NAALADL2: variants seen among roughly 807,000 people sequenced by gnomAD.
NAALADL2 encodes the protein inactive N-acetylated-alpha-linked acidic dipeptidase-like protein 2.
Under a neutral mutation model 87.2 loss-of-function variants are expected in NAALADL2, and 76 were observed. The observed-to-expected ratio is 0.87, with a 90% CI of 0.72 to 1.05. The LOEUF (loss-of-function observed/expected upper bound fraction) is 1.05, where lower values mean the gene tolerates loss of function less well. Among genes scored for constraint, NAALADL2 ranks in the 50% least tolerant of loss-of-function variants. The pLI is 0.00. For synonymous variants in NAALADL2, 354 were observed against 331.0 expected (o/e 1.07, Z -0.75); for missense variants, 1,089 against 945.8 (o/e 1.15, Z -1.99).
chr3:175,489,670 T>A (rs1727775298), intron 9 of NAALADL2, among the ~76,000 whole-genome samples: 1 of 152,200 alleles, frequency 6.6e-6, no homozygotes, highest in Non-Finnish European at 1.5e-5. Context: ...AGAGTAGAAA[T>A]GACCATGCAT....
intron 3 of NAALADL2, among the ~76,000 whole-genome samples, chr3:175,240,809 C>T (rs922104702): frequency 6.6e-6 from 1 of 152,132 alleles, no homozygotes; most frequent in Non-Finnish European, 1.5e-5. Flanking sequence ...GCATGTGCCA[C>T]CACACCCGGC....
chr3:175,559,671 C>T (rs1288955616), intron 9 of NAALADL2, among the ~76,000 whole-genome samples: 1 of 152,082 alleles, frequency 6.6e-6, no homozygotes, highest in Non-Finnish European at 1.5e-5. Context: ...TTATTAAATG[C>T]TTTTTCAGCA....
chr3:175,203,517 C>T (rs1033691088), intron 2 of NAALADL2, among the ~76,000 whole-genome samples: 2 of 152,130 alleles, frequency 1.3e-5, no homozygotes, highest in African/African-American at 4.8e-5. Context: ...CTGCAGGAGC[C>T]GTCTGCTTCC....
At chr3:174,816,205 C>T (rs142513700) in intron 3 of NAALADL2, among the ~76,000 whole-genome samples, 25 of 151,898 alleles carry the variant, frequency 1.6e-4, no homozygotes, top group African/African-American at 3.9e-4. Flanking sequence ...TCTTCTTCAT[C>T]GTATCCTTTT....
intron 5 of NAALADL2, among the ~76,000 whole-genome samples, chr3:175,345,642 A>G (rs967053319): frequency 1.3e-5 from 2 of 152,122 alleles, no homozygotes; most frequent in Admixed American, 1.3e-4. Context: ...TTGATCCCAC[A>G]CAGTGATCAC....
chr3:174,587,233 T>C (rs545672540), intron 2 of NAALADL2, among the ~76,000 whole-genome samples: 55 of 152,128 alleles, frequency 3.6e-4, no homozygotes, highest in Non-Finnish European at 4.1e-4. Context: ...CAGTCTATCA[T>C]TGATGGACAT....
At chr3:175,221,692 G>A (rs1020014876) in intron 2 of NAALADL2, among the ~76,000 whole-genome samples, 1 of 151,874 alleles carries the variant, frequency 6.6e-6, no homozygotes, top group Non-Finnish European at 1.5e-5. Flanking sequence ...CTACACAATG[G>A]CTTCCAGTAG....
intron 9 of NAALADL2, among the ~76,000 whole-genome samples, chr3:175,521,292 G>T (rs1182117815): frequency 6.6e-6 from 1 of 151,842 alleles, no homozygotes; most frequent in Non-Finnish European, 1.5e-5. Flanking sequence ...CAAAAGAAAT[G>T]ATATTCTATC....
chr3:175,709,849 A>G (rs551869637), intron 11 of NAALADL2, among the ~76,000 whole-genome samples: 1 of 152,230 alleles, frequency 6.6e-6, no homozygotes, highest in East Asian at 1.9e-4. Context: ...CACTGGGTTC[A>G]GGAAAGCAGT....
At chr3:175,268,639 C>T (rs1350294340) in intron 4 of NAALADL2, among the ~76,000 whole-genome samples, 8 of 152,000 alleles carry the variant, frequency 5.3e-5, no homozygotes, top group Non-Finnish European at 1.2e-4. Flanking sequence ...CATTGCACAC[C>T]TGACAAAAAT....
At chr3:175,801,770 G>A (rs540258771) in intron 13 of NAALADL2, among the ~76,000 whole-genome samples, 18 of 152,100 alleles carry the variant, frequency 1.2e-4, no homozygotes, top group South Asian at 8.3e-4. Context: ...GTTTGGGTTC[G>A]AAATAAGACA....
At chr3:175,442,392 G>C (rs546538722) in intron 5 of NAALADL2, among the ~76,000 whole-genome samples, 2 of 152,202 alleles carry the variant, frequency 1.3e-5, no homozygotes, top group South Asian at 4.1e-4. Flanking sequence ...TTGAAAAAGC[G>C]TGAAATAGAA....
chr3:175,434,395 A>G (rs78837477), intron 5 of NAALADL2, among the ~76,000 whole-genome samples: 5,956 of 152,044 alleles, frequency 0.039, 288 homozygotes, highest in East Asian at 0.14. Context: ...TTGTGTCAAT[A>G]TTTCCACGTC....
chr3:174,653,040 TAAA>T lies in NAALADL2; in HGVS notation c.-114-84597_-114-84595del, dbSNP rs961711588. ...CTACACACTAACTGTAATGATTACA[TAAA>T]AAAGACTGACATGTCAGCATTCATG... On this transcript the variant is annotated intron_variant, in intron 2 of 3. Transcript: ENST00000434257. Among the ~76,000 whole-genome samples, 7 of 152,250 alleles carry T rather than the reference TAAA, an allele frequency of 4.6e-5. No homozygotes were observed. The East Asian group carries it at 1.4e-3, about 29-fold the overall frequency.
At chr3:175,041,376 A>C (rs2108969774) in intron 1 of NAALADL2, among the ~76,000 whole-genome samples, 1 of 152,268 alleles carries the variant, frequency 6.6e-6, no homozygotes, top group South Asian at 2.1e-4. Flanking sequence ...AATGACTTGA[A>C]GTTTTGCTCA....
In NAALADL2 at chr3:174,610,023, A is replaced by G. The variant is rs559188348; in HGVS notation, c.-115+59386A>G. 8.5e-3 allele frequency among the ~76,000 whole-genome samples: 1,287 copies of G among 152,174 alleles called. 13 individuals carry two copies. Among genetic ancestry groups the G allele is most frequent in the African/African-American group, 0.03 (1,242 of 41,516 alleles). On this transcript the variant is annotated intron_variant, in intron 2 of 3. Coordinates refer to the NAALADL2 transcript ENST00000434257. ...GAAATAATGCCGTATATCTACAACT[A>G]TCTGATCTTTGACAAACCTGAGAAA...
In NAALADL2 at chr3:175,643,960, AT is replaced by A. The variant is rs532257049; in HGVS notation, c.1896+16577del. Among the ~76,000 whole-genome samples, 574 of 152,082 alleles carry A rather than the reference AT, an allele frequency of 3.8e-3. 3 individuals carry two copies. Among genetic ancestry groups the A allele is most frequent in the African/African-American group, 0.013 (550 of 41,500 alleles). ...ATGATCCTCTGCCAAACTTGATTTC[AT>A]TTCGTTTTGTTCTTTGATTTTTTCC... On this transcript the variant is annotated intron_variant, in intron 11 of 13. Coordinates refer to ENST00000454872, the MANE Select transcript of NAALADL2 (RefSeq NM_207015.3).
chr3:174,690,574 G>A (rs1472432742), intron 2 of NAALADL2, among the ~76,000 whole-genome samples: 1 of 152,104 alleles, frequency 6.6e-6, no homozygotes, highest in Non-Finnish European at 1.5e-5. Context: ...AGGCTAATCT[G>A]CTGAAAAATA....
At chr3:175,680,440 G>A (rs535218032) in intron 11 of NAALADL2, among the ~76,000 whole-genome samples, 1 of 152,316 alleles carries the variant, frequency 6.6e-6, no homozygotes, top group Admixed American at 6.5e-5. Context: ...CACATTGAAA[G>A]TCAAACAAGT....
Sources: allele counts gnomAD v4.1 joint callset (sites outside exome capture counted in the v4.1 genomes callset), GRCh38; gene constraint gnomAD v4.1.1; transcripts MANE v1.5; gene names NCBI Gene and HGNC (gene_info 2026-07-23, HGNC 2026-07-21).